The following AMZ1 variants were observed in gnomAD, a reference collection of about 807,000 sequenced individuals.
AMZ1 encodes archaelysin family metallopeptidase 1, also known as archaemetzincin-1.
A neutral mutation model predicts 29.9 loss-of-function variants in AMZ1; 39 were observed. That is an observed-to-expected ratio of 1.30 (90% CI 1.01 to 1.70). The LOEUF (loss-of-function observed/expected upper bound fraction) is 1.70, where lower values mean the gene tolerates loss of function less well. Among genes scored for constraint, AMZ1 ranks in the 40% most tolerant of loss-of-function variants. The probability of loss-of-function intolerance (pLI) is 0.00; values close to 1 mark genes in which losing one functional copy is unlikely to be tolerated. For synonymous variants in AMZ1, 458 were observed against 304.0 expected, an observed-to-expected ratio of 1.51 and a Z score of -5.27; for missense variants, 1,041 against 680.6, an observed-to-expected ratio of 1.53 and a Z score of -5.89.
At position 2,709,073 on chromosome 7, in the gene AMZ1, A is replaced by T; in HGVS notation, c.602-2A>T. ...AGTGCCCTTCTCTCCATCTCTCTCC[A>T]GAAGTGGGCGTCTGCAGCTTCGCCC... On this transcript the variant is annotated splice_acceptor_variant, in intron 4 of 6. Transcript: ENST00000683327. LOFTEE classifies it high-confidence loss of function. The T allele has an allele frequency of 6.3e-7, 1 of 1,582,640 alleles. No homozygotes were observed. Among genetic ancestry groups the T allele is most frequent in the Non-Finnish European group, 8.6e-7 (1 of 1,165,226 alleles).
chr7:2,731,564 T>C lies in AMZ1; in HGVS notation n.550+21748T>C, dbSNP rs745435606. On this transcript the variant is annotated intron_variant and non_coding_transcript_variant, in intron 4 of 4. Transcript: ENST00000489665. This position sits in a 1 kb window ranked among gnomAD's most constrained non-coding sequence, Gnocchi z 6.0. The stretch of plus-strand genomic sequence containing the variant: ...TCCATGAGGACCTGGTCGTACTCGC[T>C]GGAGGAGACCATGAACAGGATGGAC... 6.2e-7 allele frequency: 1 copy of C among 1,612,646 alleles called. No individual in the cohort carries two copies. Among genetic ancestry groups the C allele is most frequent in the Non-Finnish European group, 8.5e-7 (1 of 1,179,006 alleles).
At chr7:2,759,438 T>G (rs1479992869) in intron 4 of AMZ1, among the ~76,000 whole-genome samples, 3 of 152,208 alleles carry the variant, frequency 2.0e-5, no homozygotes, top group African/African-American at 7.2e-5. Flanking sequence ...ATGTGACAGA[T>G]GGGAAGACTG....
At position 2,717,371 on chromosome 7, in the gene AMZ1, A is replaced by G. The variant is rs907724142; in HGVS notation, c.*4493A>G. Among the ~76,000 whole-genome samples, 2 of 152,220 alleles carry G rather than the reference A, an allele frequency of 1.3e-5. No homozygotes were observed. Among genetic ancestry groups the G allele is most frequent in the Non-Finnish European group, 2.9e-5 (2 of 68,040 alleles). ...GAAGCAAACGACGGCCCGTCCTCTA[A>G]GCTGGCTTTGCAGCTCCAGTAAGAG... On this transcript the variant is annotated 3_prime_UTR_variant, in exon 7 of 7. Coordinates refer to ENST00000683327, the MANE Select transcript of AMZ1 (RefSeq NM_001384743.1).
In AMZ1 at chr7:2,716,185, G is replaced by A. The variant is rs1357011359; in HGVS notation, c.*3307G>A. 6.6e-5 allele frequency: 10 copies of A among 152,230 alleles called. No homozygotes were observed. The highest frequency in any genetic ancestry group is 1.3e-4 in the Non-Finnish European group (9 of 68,070). The allele number at this position is 152,230 out of a possible 1,614,324, so 9.4% of individuals were successfully genotyped here. A position where few individuals can be genotyped will look rare whatever the true frequency, so the allele number is the denominator to read the frequency against. On this transcript the variant is annotated 3_prime_UTR_variant, in exon 7 of 7. Coordinates refer to ENST00000683327, the MANE Select transcript of AMZ1 (RefSeq NM_001384743.1). Reference sequence around the variant, plus strand: ...AAGTGGCTAGAATACACACTCCCACGTCACAGCCATGCTATGATGAAGGGG... The same window carrying A: ...AAGTGGCTAGAATACACACTCCCACATCACAGCCATGCTATGATGAAGGGG...
chr7:2,762,789 G>A (rs756535712), upstream of AMZ1: 16 of 1,539,914 alleles, frequency 1.0e-5, no homozygotes, highest in African/African-American at 1.4e-5. Context: ...GTACAAAAGG[G>A]AGGAGGAGCA....
chr7:2,701,897 T>C (rs75281527), intron 2 of AMZ1: 6,129 of 152,410 alleles, frequency 0.04, 406 homozygotes, highest in African/African-American at 0.14. Context: ...GCTTGGGAGC[T>C]ACCCGCTTCC....
At chr7:2,699,752 C>A (rs798475) in intron 1 of AMZ1, among the ~76,000 whole-genome samples, 1 of 151,984 alleles carries the variant, frequency 6.6e-6, no homozygotes, top group Non-Finnish European at 1.5e-5. Flanking sequence ...GTGATCATGC[C>A]GTGGAGAGGA....
upstream of AMZ1, chr7:2,762,741 G>A (rs1438623984): frequency 1.0e-5 from 16 of 1,553,704 alleles, no homozygotes; most frequent in Non-Finnish European, 1.3e-5. Flanking sequence ...CCTCCCTCCC[G>A]CAGGAAGTGC....
chr7:2,700,665 G>T lies in AMZ1; in HGVS notation c.214G>T (p.Glu72Ter), dbSNP rs543403758. ...CTTCGACTGGCTCCTGAGCCGACCC[G>T]AGGCTCCCGAGGACTTCCAGACCTT... ...TGFDWLLSRPEAPEDFQTFHA... is the reference protein window; with the variant it reads ...TGFDWLLSRP The change falls in exon 2 of 7, where the codon GAG becomes TAG. Residue 72 changes from glutamate (E) to a stop codon, truncating the protein, a stop_gained. Transcript: ENST00000683327. LOFTEE classifies it high-confidence loss of function. 6.2e-7 allele frequency: 1 copy of T among 1,612,458 alleles called. No homozygotes were observed. The highest frequency in any genetic ancestry group is 8.5e-7 in the Non-Finnish European group (1 of 1,180,010).
chr7:2,703,254 C>T (rs888526676), intron 3 of AMZ1, among the ~76,000 whole-genome samples: 3 of 152,208 alleles, frequency 2.0e-5, no homozygotes, highest in African/African-American at 4.8e-5. Context: ...AGCGATTCTC[C>T]TGCCTCAGCC....
At chr7:2,703,289 G>A (rs553761280) in intron 3 of AMZ1, among the ~76,000 whole-genome samples, 7 of 152,064 alleles carry the variant, frequency 4.6e-5, no homozygotes, top group Admixed American at 1.3e-4. Flanking sequence ...GACTAAAAGC[G>A]CCCACCACAC....
chr7:2,702,802 G>T lies in AMZ1; in HGVS notation c.385G>T (p.Val129Phe), dbSNP rs371188824. ...CTEAFFLGLR[V>F]KCLPSVAAAS... is the part of the protein sequence containing the mutation. ...AGAGGCCTTCTTCCTGGGCCTGCGC[G>T]TCAAGTGCCTGCCGTCGGTGGCAGC... The change falls in exon 3 of 7, where the codon GTC becomes TTC. Residue 129 changes from valine (V) to phenylalanine (F), a missense_variant. By Grantham distance (50) the Val-to-Phe change is conservative. Coordinates refer to ENST00000683327, the MANE Select transcript of AMZ1 (RefSeq NM_001384743.1). The T allele has an allele frequency of 1.9e-6, 3 of 1,549,030 alleles. No individual in the cohort carries two copies. Among genetic ancestry groups the T allele is most frequent in the African/African-American group, 2.7e-5 (2 of 73,252 alleles).
At position 2,702,837 on chromosome 7, in the gene AMZ1, C is replaced by A; in HGVS notation, c.420C>A (p.Ile140=). 6.3e-7 allele frequency: 1 copy of A among 1,578,824 alleles called. No individual in the cohort carries two copies. Among genetic ancestry groups the A allele is most frequent in the East Asian group, 2.3e-5 (1 of 43,150 alleles). Residue 140 remains isoleucine (I), a synonymous_variant, in exon 3 of 7, where the codon ATC becomes ATA. Transcript: ENST00000683327. ...KCLPSVAAAS[I]RCSSRPSRDS... Reference sequence around the variant, plus strand: ...TGCCGTCGGTGGCAGCCGCGTCCATCCGCTGCTCCTCGCGGCCCAGCCGGG... The same window carrying A: ...TGCCGTCGGTGGCAGCCGCGTCCATACGCTGCTCCTCGCGGCCCAGCCGGG...
At chr7:2,689,371 G>C (rs60561590) in intron 1 of AMZ1, among the ~76,000 whole-genome samples, 1 of 83,168 alleles carries the variant, frequency 1.2e-5, no homozygotes, top group African/African-American at 3.4e-5. Context: ...GAACCTCCCT[G>C]GGGGGGGGAT....
chr7:2,716,217 G>A lies in AMZ1; in HGVS notation c.*3339G>A, dbSNP rs987148340. 6.6e-6 allele frequency: 1 copy of A among 152,288 alleles called. No homozygotes were observed. The highest frequency in any genetic ancestry group is 2.4e-5 in the African/African-American group (1 of 41,458). The allele number at this position is 152,288 out of a possible 1,614,324, so 9.4% of individuals were successfully genotyped here. A position where few individuals can be genotyped will look rare whatever the true frequency, so the allele number is the denominator to read the frequency against. Reference sequence around the variant, plus strand: ...CCATGCTATGATGAAGGGGTGAGAAGCAGTGTCCCCTCTGAGGCAAATCTC... The same window carrying A: ...CCATGCTATGATGAAGGGGTGAGAAACAGTGTCCCCTCTGAGGCAAATCTC... On this transcript the variant is annotated 3_prime_UTR_variant, in exon 7 of 7. Coordinates refer to ENST00000683327, the MANE Select transcript of AMZ1 (RefSeq NM_001384743.1).
intron 6 of AMZ1, 85 bp downstream of exon 6, chr7:2,709,901 G>T (rs1488556067): frequency 6.5e-7 from 1 of 1,543,504 alleles, no homozygotes; most frequent in African/African-American, 1.4e-5. Flanking sequence ...CGCAGGGCAT[G>T]GGGACCGCAC....
chr7:2,691,130 G>GAAAAAAAAA (rs1554245322), intron 1 of AMZ1, among the ~76,000 whole-genome samples: 1 of 39,508 alleles, frequency 2.5e-5, no homozygotes, highest in Non-Finnish European at 4.6e-5. Context: ...GGTGACAGAG[G>GAAAAAAAAA]CAAAAAAAAA....
Position 2,709,687 on chromosome 7 carries a change from C to T in AMZ1, c.819C>T (p.Arg273=). ...LCHLLGLGNC[R]WLRCLMQGAL... is the part of the protein sequence containing the mutation. Reference sequence around the variant, plus strand: ...ACCTTCTGGGCCTGGGGAACTGCCGCTGGCTCCGCTGCCTCATGCAGGGTG... The same window carrying T: ...ACCTTCTGGGCCTGGGGAACTGCCGTTGGCTCCGCTGCCTCATGCAGGGTG... The change falls in exon 6 of 7, where the codon CGC becomes CGT. Residue 273 remains arginine (R), a synonymous_variant. Coordinates refer to ENST00000683327, the MANE Select transcript of AMZ1 (RefSeq NM_001384743.1). The T allele has an allele frequency of 6.2e-7, 1 of 1,610,834 alleles. No homozygotes were observed. The highest frequency in any genetic ancestry group is 8.5e-7 in the Non-Finnish European group (1 of 1,179,734).
At chr7:2,722,050 T>C (rs1180834204), downstream of AMZ1, among the ~76,000 whole-genome samples, 1 of 152,122 alleles carries the variant, frequency 6.6e-6, no homozygotes, top group Non-Finnish European at 1.5e-5. Context: ...TTTCTGTATT[T>C]AAGGTCCTGA....
Sources: gnomAD v4.1 joint callset for allele counts (sites outside exome capture counted in the v4.1 genomes callset) on GRCh38, gnomAD v4.1.1 for gene constraint, Gnocchi (gnomAD v3.1) non-coding constraint, MANE v1.5 for transcripts, NCBI Gene and HGNC (gene_info 2026-07-23, HGNC 2026-07-21) for gene names.